The following LMNB1 variants were observed in gnomAD, a reference collection of about 807,000 sequenced individuals.
The protein encoded by LMNB1 is lamin-B1.
In LMNB1, 23 loss-of-function variants were observed where a neutral mutation model predicts 67.1. The observed-to-expected ratio is 0.34, with a 90% CI of 0.25 to 0.49. The LOEUF is 0.49. LMNB1 is among the 20% of genes least tolerant of loss of function. The pLI is 0.99. For missense variants in LMNB1, 634 were observed against 746.5 expected, an observed-to-expected ratio of 0.85 and a Z score of 1.76; for synonymous variants, 281 against 282.9, an observed-to-expected ratio of 0.99 and a Z score of 0.07.
chr5:126,804,707 A>G, intron 1 of LMNB1, 69 bp from the exon 2 acceptor site: 1 of 1,391,864 alleles, frequency 7.2e-7, no homozygotes, highest in African/African-American at 1.5e-5. Context: ...TTGTCCCTTC[A>G]GCAGAGAGGG....
intron 1 of LMNB1, among the ~76,000 whole-genome samples, chr5:126,792,426 T>G (rs751685255): frequency 3.8e-4 from 58 of 151,952 alleles, no homozygotes; most frequent in Admixed American, 2.2e-3. Flanking sequence ...CGTGAGCCAC[T>G]GTGCCTGGTG....
intron 1 of LMNB1, among the ~76,000 whole-genome samples, chr5:126,786,416 C>G (rs368490772): frequency 6.6e-6 from 1 of 152,234 alleles, no homozygotes; most frequent in South Asian, 2.1e-4. Flanking sequence ...CCACCGTTCC[C>G]GGCCAGACAT....
intron 5 of LMNB1, among the ~76,000 whole-genome samples, chr5:126,818,239 C>T (rs1362845571): frequency 5.2e-5 from 7 of 134,200 alleles, no homozygotes; most frequent in Admixed American, 7.6e-5. Context: ...GTGTTTATAT[C>T]TTTTTTTTTT....
intron 1 of LMNB1, among the ~76,000 whole-genome samples, chr5:126,787,723 G>T (rs1189050547): frequency 1.3e-5 from 2 of 150,812 alleles, no homozygotes; most frequent in African/African-American, 4.9e-5. Context: ...GCTAATTTTT[G>T]AATTTTTAGT....
At chr5:126,820,737 G>T (rs1196552312) in intron 6 of LMNB1, among the ~76,000 whole-genome samples, 173 bp from the exon 7 acceptor site, 5 of 151,922 alleles carry the variant, frequency 3.3e-5, no homozygotes, top group African/African-American at 1.2e-4. Flanking sequence ...TGTTGGTCAG[G>T]CTGATCTTGA....
At chr5:126,780,798 T>C (rs1181262469) in intron 1 of LMNB1, among the ~76,000 whole-genome samples, 3 of 152,224 alleles carry the variant, frequency 2.0e-5, no homozygotes, top group Non-Finnish European at 4.4e-5. Context: ...AGTTTGCTCC[T>C]TATTTGAATT....
intron 1 of LMNB1, 73 bp downstream of exon 1, chr5:126,777,940 G>C (rs1750515329): frequency 7.4e-7 from 1 of 1,350,334 alleles, no homozygotes; most frequent in African/African-American, 1.5e-5. Context: ...AGCTCACCGG[G>C]TTCTGCCGTG....
At chr5:126,833,252 T>C (rs898629901) in intron 10 of LMNB1, among the ~76,000 whole-genome samples, 1 of 152,238 alleles carries the variant, frequency 6.6e-6, no homozygotes, top group Non-Finnish European at 1.5e-5. Context: ...CATTATCTAA[T>C]TGAAGATAGA....
chr5:126,777,312 C>A lies in LMNB1; in HGVS notation c.-197C>A, dbSNP rs956554953. On this transcript the variant is annotated 5_prime_UTR_variant, in exon 1 of 11. Transcript: ENST00000261366. Reference sequence around the variant, plus strand: ...TCGATCGATTGATTCGTAGTTCCCCCCCGCGCGCCTTTGCCCTTTGTGCTG... The same window carrying A: ...TCGATCGATTGATTCGTAGTTCCCCACCGCGCGCCTTTGCCCTTTGTGCTG... 3.1e-5 allele frequency: 13 copies of A among 423,722 alleles called. 1 individual carries two copies. The South Asian group carries it at 1.4e-3, about 45-fold the overall frequency. 26.2% of individuals were successfully genotyped at this position (423,722 alleles called of 1,614,324 possible). A position where few individuals can be genotyped will look rare whatever the true frequency, so the allele number is the denominator to read the frequency against.
At chr5:126,795,906 G>T (rs373830957) in intron 1 of LMNB1, among the ~76,000 whole-genome samples, 2 of 145,546 alleles carry the variant, frequency 1.4e-5, no homozygotes, top group African/African-American at 5.1e-5. Context: ...GATTACAGGC[G>T]TGAGCCACTG....
At chr5:126,825,959 G>C (rs755719819) in intron 8 of LMNB1, 29 bp from the exon 9 acceptor site, 46 of 1,612,600 alleles carry the variant, frequency 2.9e-5, no homozygotes, top group Non-Finnish European at 3.7e-5. Context: ...TGGGTTCTGG[G>C]TGTACTGACA....
chr5:126,834,324 GTC>G (rs1752200158), intron 10 of LMNB1, among the ~76,000 whole-genome samples: 1 of 152,058 alleles, frequency 6.6e-6, no homozygotes, highest in Admixed American at 6.5e-5. Context: ...CCCTGCCTCA[GTC>G]TCCCAAGTAG....
intron 8 of LMNB1, 51 bp downstream of exon 8, chr5:126,822,936 A>G: frequency 8.2e-7 from 1 of 1,224,106 alleles, no homozygotes; most frequent in Non-Finnish European, 1.2e-6. Context: ...TTAACTAACA[A>G]AGTAACTCAA....
intron 1 of LMNB1, among the ~76,000 whole-genome samples, chr5:126,780,730 A>G (rs1288289878): frequency 3.9e-5 from 6 of 152,234 alleles, no homozygotes; most frequent in Non-Finnish European, 7.3e-5. Flanking sequence ...TGCCAGGATT[A>G]GATGACTCTT....
chr5:126,785,946 AGAGGTTGCAGTG>A, intron 1 of LMNB1, among the ~76,000 whole-genome samples: 1 of 151,670 alleles, frequency 6.6e-6, no homozygotes, highest in Non-Finnish European at 1.5e-5. Flanking sequence ...CCTGGGAGGC[AGAGGTTGCAGTG>A]AGCCGAGATC....
chr5:126,785,398 TCTC>T (rs1750751678), intron 1 of LMNB1, among the ~76,000 whole-genome samples: 1 of 151,120 alleles, frequency 6.6e-6, no homozygotes, highest in South Asian at 2.1e-4. Context: ...TTCAAGCAAT[TCTC>T]CTGCCTCAGC....
At chr5:126,818,877 GT>G (rs1448589019) in intron 5 of LMNB1, 44 bp from the exon 6 acceptor site, 2 of 1,376,526 alleles carry the variant, frequency 1.5e-6, no homozygotes, top group Admixed American at 3.4e-5. Context: ...TGGTGCTAAT[GT>G]TGGAATGTTC....
At chr5:126,823,803 TG>T (rs1751926870) in intron 8 of LMNB1, among the ~76,000 whole-genome samples, 1 of 152,214 alleles carries the variant, frequency 6.6e-6, no homozygotes, top group Non-Finnish European at 1.5e-5. Flanking sequence ...TGGGTAAAAA[TG>T]GGATCAACTA....
Position 126,836,207 on chromosome 5 carries a change from C to A in LMNB1, c.1720-16C>A. 1.3e-6 allele frequency: 2 copies of A among 1,598,210 alleles called. No individual in the cohort carries two copies. Among genetic ancestry groups the A allele is most frequent in the Middle Eastern group, 1.7e-4 (1 of 6,026 alleles). ...ATTTCTTTAGTATTAATTTTTCCTT[C>A]TGTTTTCCTCATCAGGGAACCCCAA... On this transcript the variant is annotated splice_polypyrimidine_tract_variant and intron_variant, in intron 10 of 10. Transcript: ENST00000261366.
Sources: allele counts gnomAD v4.1 joint callset (sites outside exome capture counted in the v4.1 genomes callset), GRCh38; gene constraint gnomAD v4.1.1; transcripts MANE v1.5; gene names NCBI Gene and HGNC (gene_info 2026-07-23, HGNC 2026-07-21).